EYS: variants seen among roughly 807,000 people sequenced by gnomAD.
EYS encodes the protein protein eyes shut homolog.
Under a neutral mutation model 282.1 loss-of-function variants are expected in EYS, and 250 were observed. That is an observed-to-expected ratio of 0.89 (90% CI 0.80 to 0.98). The LOEUF (loss-of-function observed/expected upper bound fraction) is 0.98. EYS is among the 50% of genes least tolerant of loss of function. The pLI is 0.00. For synonymous variants in EYS, 1,355 were observed against 1,282.9 expected, an observed-to-expected ratio of 1.06 and a Z score of -1.20; for missense variants, 4,016 against 3,709.0, an observed-to-expected ratio of 1.08 and a Z score of -2.15.
chr6:65,424,708 T>C (rs932005044), intron 5 of EYS, among the ~76,000 whole-genome samples: 10 of 152,086 alleles, frequency 6.6e-5, no homozygotes, highest in African/African-American at 2.2e-4. Context: ...AATATTCTGG[T>C]ATCCAGATGA....
In EYS at chr6:63,788,168, C is replaced by T; in HGVS notation, c.7660G>A (p.Gly2554Ser). ...LNVFSQFYVG[G>S]YSEYTPDLLP... is the part of the protein sequence containing the mutation. The stretch of plus-strand genomic sequence containing the variant: ...AGATCTGGAGTGTATTCACTGTAGC[C>T]ACCTACATAAAACTGACTGAAGACA... The change falls in exon 39 of 43, where the codon GGC becomes AGC. Residue 2554 changes from glycine to serine, a missense_variant. By Grantham distance (56) the Gly-to-Ser change is moderately conservative (BLOSUM62 0). Coordinates refer to ENST00000503581, the MANE Select transcript of EYS (RefSeq NM_001142800.2). 1.3e-6 allele frequency: 2 copies of T among 1,548,676 alleles called. No homozygotes were observed. Among genetic ancestry groups the T allele is most frequent in the Non-Finnish European group, 1.7e-6 (2 of 1,145,820 alleles).
At chr6:64,125,602 G>A (rs542306411) in intron 31 of EYS, among the ~76,000 whole-genome samples, 1 of 151,578 alleles carries the variant, frequency 6.6e-6, no homozygotes, top group African/African-American at 2.4e-5. Context: ...TGGCTAACAC[G>A]GTGAAACCCC....
At chr6:64,673,618 T>C (rs1192885528) in intron 22 of EYS, among the ~76,000 whole-genome samples, 1 of 152,108 alleles carries the variant, frequency 6.6e-6, no homozygotes, top group Non-Finnish European at 1.5e-5. Context: ...AGACTATTCA[T>C]GATAAAGCTG....
rs71850095 is a variant in EYS at position 65,452,328 on chromosome 6, A to AT, written c.862+38265dup. ...AAGAAAGAAGTAAGAACATGGAAAG[A>AT]TTTTTTTTTTTACAAAATTAAATAT... is the stretch of plus-strand genomic sequence containing the variant. On this transcript the variant is annotated intron_variant, in intron 5 of 42. Transcript: ENST00000503581. 7.0e-3 allele frequency among the ~76,000 whole-genome samples: 1,043 copies of AT among 149,116 alleles called. 12 individuals are homozygous for AT. Among genetic ancestry groups the AT allele is most frequent in the African/African-American group, 0.02 (831 of 40,772 alleles).
At chr6:64,789,968 A>G (rs1257027354) in intron 22 of EYS, among the ~76,000 whole-genome samples, 1 of 151,928 alleles carries the variant, frequency 6.6e-6, no homozygotes, top group Non-Finnish European at 1.5e-5. Context: ...GGGAAGCAAT[A>G]TATCATTAGA....
intron 7 of EYS, among the ~76,000 whole-genome samples, chr6:65,396,139 A>T (rs915593563): frequency 1.2e-4 from 19 of 152,160 alleles, no homozygotes; most frequent in African/African-American, 2.2e-4. Flanking sequence ...TCATTATTTC[A>T]ATATCTGCAA....
intron 40 of EYS, among the ~76,000 whole-genome samples, chr6:63,772,958 C>T (rs1454462563): frequency 3.3e-5 from 5 of 151,816 alleles, no homozygotes; most frequent in Non-Finnish European, 1.5e-5. Flanking sequence ...TCTATTATCC[C>T]CTTTTCTTAC....
chr6:64,746,900 T>G (rs986595605), intron 22 of EYS, among the ~76,000 whole-genome samples: 1 of 152,240 alleles, frequency 6.6e-6, no homozygotes, highest in Admixed American at 6.5e-5. Flanking sequence ...TTCAATTTGC[T>G]ATGGCTGATT....
chr6:65,410,975 T>A (rs1050903471), intron 5 of EYS, among the ~76,000 whole-genome samples: 1 of 152,048 alleles, frequency 6.6e-6, no homozygotes, highest in Non-Finnish European at 1.5e-5. Context: ...TAAAAGAAAC[T>A]AATTTTTCTA....
At chr6:65,304,722 C>T (rs1313710219) in intron 11 of EYS, 7 of 47,824 alleles carry the variant, frequency 1.5e-4, no homozygotes, top group South Asian at 1.1e-3. Flanking sequence ...CTAACCCAGT[C>T]CTCTTCAGAT....
intron 13 of EYS, among the ~76,000 whole-genome samples, chr6:65,054,837 G>T (rs1773368256): frequency 6.6e-6 from 1 of 151,982 alleles, no homozygotes; most frequent in Non-Finnish European, 1.5e-5. Flanking sequence ...ATAATTCATA[G>T]ATTAAAATAT....
At chr6:64,383,895 T>C (rs2150421540) in intron 29 of EYS, among the ~76,000 whole-genome samples, 1 of 152,282 alleles carries the variant, frequency 6.6e-6, no homozygotes, top group South Asian at 2.1e-4. Flanking sequence ...CACGCATCCT[T>C]TTACAGAATA....
chr6:65,636,698 G>A (rs1312779346), intron 2 of EYS, among the ~76,000 whole-genome samples: 1 of 151,940 alleles, frequency 6.6e-6, no homozygotes, highest in African/African-American at 2.4e-5. Flanking sequence ...TATCATTAAT[G>A]TTTTATTATG....
In EYS at chr6:65,187,306, AC is replaced by A. The variant is rs553610127; in HGVS notation, c.2023+108556del. On this transcript the variant is annotated intron_variant, in intron 12 of 42. Transcript: ENST00000503581. Reference sequence around the variant, plus strand: ...AAATAGATTACTCAGGGTAGGGAGGACATCAAAGAATAGAGGTTAATTTAAC... The same window carrying A: ...AAATAGATTACTCAGGGTAGGGAGGAATCAAAGAATAGAGGTTAATTTAAC... 6.1e-4 allele frequency among the ~76,000 whole-genome samples: 93 copies of A among 151,852 alleles called. 1 individual carries two copies. The South Asian group carries it at 9.1e-3, about 15-fold the overall frequency.
chr6:63,738,315 T>C (rs1426104394), intron 41 of EYS, among the ~76,000 whole-genome samples: 1 of 152,084 alleles, frequency 6.6e-6, no homozygotes, highest in Non-Finnish European at 1.5e-5. Context: ...CTATTCACAA[T>C]AGCAAAGACT....
chr6:65,149,321 G>A (rs930859380), intron 12 of EYS, among the ~76,000 whole-genome samples: 2 of 152,052 alleles, frequency 1.3e-5, no homozygotes, highest in Non-Finnish European at 1.5e-5. Context: ...CAGATCTCTA[G>A]GGCAGGGGCA....
chr6:65,703,160 T>C (rs567347286), intron 1 of EYS, among the ~76,000 whole-genome samples: 1 of 152,230 alleles, frequency 6.6e-6, no homozygotes, highest in African/African-American at 2.4e-5. Context: ...CATGAACCAA[T>C]TCCTTAAAGT....
rs1460679737 is a variant in EYS at position 64,096,558 on chromosome 6, G to A, written c.6425-14556C>T. Among the ~76,000 whole-genome samples, 5 of 152,092 alleles carry A rather than the reference G, an allele frequency of 3.3e-5. No homozygotes were observed. The East Asian group carries it at 9.6e-4, about 29-fold the overall frequency. On this transcript the variant is annotated intron_variant, in intron 31 of 42. Coordinates refer to ENST00000503581, the MANE Select transcript of EYS (RefSeq NM_001142800.2). Reference sequence around the variant, plus strand: ...TTGATCGAATCAGCTACTGAGGCTTGTGCATTCGTCACGTAGTTCTCATGC... The same window carrying A: ...TTGATCGAATCAGCTACTGAGGCTTATGCATTCGTCACGTAGTTCTCATGC...
At chr6:63,834,257 A>G (rs758674483) in intron 36 of EYS, among the ~76,000 whole-genome samples, 123 of 152,320 alleles carry the variant, frequency 8.1e-4, no homozygotes, top group Non-Finnish European at 1.5e-3. Context: ...AGAAACTACC[A>G]TGAGAGTGAA....
Sources: allele counts gnomAD v4.1 joint callset (sites outside exome capture counted in the v4.1 genomes callset), GRCh38; gene constraint gnomAD v4.1.1; transcripts MANE v1.5; gene names NCBI Gene and HGNC (gene_info 2026-07-23, HGNC 2026-07-21).